LRFN2: variants seen among roughly 807,000 people sequenced by gnomAD.
LRFN2 encodes the protein leucine rich repeat and fibronectin type III domain containing 2, also known as leucine-rich repeat and fibronectin type-III domain-containing protein 2.
In LRFN2, 18 loss-of-function variants were observed where a neutral mutation model predicts 37.3. The ratio of observed to expected loss-of-function variants is 0.48; its 90% confidence interval spans 0.33 to 0.72. The LOEUF is 0.72. LRFN2 is among the 30% of genes least tolerant of loss of function. LRFN2 has a pLI of 0.02. For missense variants in LRFN2, 1,006 were observed against 1,060.7 expected, an observed-to-expected ratio of 0.95 and a Z score of 0.72; for synonymous variants, 556 against 466.6, an observed-to-expected ratio of 1.19 and a Z score of -2.47.
intron 1 of LRFN2, among the ~76,000 whole-genome samples, chr6:40,527,523 G>A (rs540559406): frequency 3.3e-5 from 5 of 152,300 alleles, no homozygotes; most frequent in East Asian, 3.9e-4. Flanking sequence ...GGACCTCAAA[G>A]TCTCCAGTCA....
At chr6:40,461,704 A>C (rs566365474) in intron 1 of LRFN2, among the ~76,000 whole-genome samples, 1 of 151,706 alleles carries the variant, frequency 6.6e-6, no homozygotes, top group African/African-American at 2.4e-5. Context: ...AGGAGAAAAA[A>C]TAAAGTAGGA....
At chr6:40,580,248 G>T (rs1767373699) in intron 1 of LRFN2, among the ~76,000 whole-genome samples, 2 of 152,186 alleles carry the variant, frequency 1.3e-5, no homozygotes, top group Admixed American at 1.3e-4. Context: ...CCCCAGGGTG[G>T]CATTTCTCAC....
intron 1 of LRFN2, among the ~76,000 whole-genome samples, chr6:40,564,627 G>A (rs1279974652): frequency 6.6e-6 from 1 of 152,088 alleles, no homozygotes; most frequent in Non-Finnish European, 1.5e-5. Flanking sequence ...CTACTCCACT[G>A]CTCTCTTAAT....
intron 2 of LRFN2, among the ~76,000 whole-genome samples, chr6:40,396,411 G>T (rs558326732): frequency 6.6e-6 from 1 of 152,228 alleles, no homozygotes; most frequent in South Asian, 2.1e-4. Context: ...GAGGAACCCT[G>T]CCTGGTCTCC....
intron 1 of LRFN2, among the ~76,000 whole-genome samples, chr6:40,464,372 T>G (rs116682888): frequency 2.6e-5 from 4 of 152,192 alleles, no homozygotes; most frequent in Non-Finnish European, 5.9e-5. Context: ...AGTTGGGACC[T>G]TTAAGGTGAT....
At chr6:40,470,831 G>T (rs910139789) in intron 1 of LRFN2, among the ~76,000 whole-genome samples, 1 of 152,174 alleles carries the variant, frequency 6.6e-6, no homozygotes, top group African/African-American at 2.4e-5. Context: ...ACCTCCAGGG[G>T]AACACCAGGG....
At chr6:40,557,982 G>A (rs1263045346) in intron 1 of LRFN2, among the ~76,000 whole-genome samples, 1 of 151,958 alleles carries the variant, frequency 6.6e-6, no homozygotes, top group Non-Finnish European at 1.5e-5. Flanking sequence ...CTAAGTTTTG[G>A]GCAAGGATTC....
chr6:40,565,670 C>T (rs1581797335), intron 1 of LRFN2, among the ~76,000 whole-genome samples: 4 of 151,700 alleles, frequency 2.6e-5, no homozygotes, highest in Admixed American at 2.0e-4. Context: ...GCTGGGAAAA[C>T]TGGCTAGCCA....
At chr6:40,564,533 T>A (rs1767054445) in intron 1 of LRFN2, among the ~76,000 whole-genome samples, 2 of 152,084 alleles carry the variant, frequency 1.3e-5, no homozygotes, top group African/African-American at 4.8e-5. Flanking sequence ...CCTGTTGATT[T>A]TACCACCTAA....
intron 1 of LRFN2, among the ~76,000 whole-genome samples, chr6:40,560,890 C>G (rs906479897): frequency 6.6e-6 from 1 of 152,170 alleles, no homozygotes; most frequent in Non-Finnish European, 1.5e-5. Context: ...AAAGTCCTAA[C>G]AGATTATCTA....
At chr6:40,463,215 T>A (rs1764383235) in intron 1 of LRFN2, among the ~76,000 whole-genome samples, 1 of 152,196 alleles carries the variant, frequency 6.6e-6, no homozygotes, top group Non-Finnish European at 1.5e-5. Flanking sequence ...CAGTTTGGAT[T>A]TTCTGTCACT....
intron 1 of LRFN2, among the ~76,000 whole-genome samples, chr6:40,572,440 A>T (rs780953785): frequency 1.3e-5 from 2 of 152,174 alleles, no homozygotes; most frequent in Non-Finnish European, 2.9e-5. Context: ...GAGTGGCTTA[A>T]AGACAACCAT....
At chr6:40,455,662 A>G (rs185098507) in intron 1 of LRFN2, among the ~76,000 whole-genome samples, 161 of 152,332 alleles carry the variant, frequency 1.1e-3, no homozygotes, top group African/African-American at 3.6e-3. Flanking sequence ...CAGTATCACT[A>G]TCATCTTTAT....
rs78402840 is a variant in LRFN2, at chr6:40,526,613, G to A, written c.-19+60328C>T. On this transcript the variant is annotated intron_variant, in intron 1 of 2. Transcript: ENST00000338305. ...CTCCCACTCTCTGTCCACTGTGAGG[G>A]CTAGGCCAGCTCTTCCCCAAGAGCT... Among the ~76,000 whole-genome samples the A allele has an allele frequency of 5.1e-3, 779 of 152,210 alleles. 8 individuals are homozygous for A. Among genetic ancestry groups the A allele is most frequent in the African/African-American group, 0.018 (737 of 41,522 alleles).
intron 1 of LRFN2, among the ~76,000 whole-genome samples, chr6:40,474,055 A>T (rs1764661072): frequency 1.3e-5 from 2 of 150,616 alleles, no homozygotes. Flanking sequence ...TTGTTTTTTT[A>T]GATGTGGGGC....
At chr6:40,534,214 G>A (rs205506) in intron 1 of LRFN2, among the ~76,000 whole-genome samples, 12,349 of 152,234 alleles carry the variant, frequency 0.081, 621 homozygotes, top group South Asian at 0.11. Flanking sequence ...TATGTGACCA[G>A]TCACTTCTGC....
chr6:40,499,198 A>G (rs796694076), intron 1 of LRFN2, among the ~76,000 whole-genome samples: 10 of 152,076 alleles, frequency 6.6e-5, no homozygotes, highest in African/African-American at 2.4e-4. Context: ...ATCCCTCCCT[A>G]TTGGGCCCAT....
chr6:40,452,047 C>A (rs1764122967), intron 1 of LRFN2, among the ~76,000 whole-genome samples: 1 of 152,062 alleles, frequency 6.6e-6, no homozygotes, highest in Admixed American at 6.5e-5. Flanking sequence ...GTAGATATCA[C>A]CATTATCTTC....
rs1271147644 is a variant in LRFN2 at position 40,391,792 on chromosome 6, C to T, written c.*151G>A. 8 of 711,332 alleles carry T rather than the reference C, an allele frequency of 1.1e-5. No individual in the cohort carries two copies. Among genetic ancestry groups the T allele is most frequent in the South Asian group, 6.2e-5 (2 of 32,188 alleles). The allele number at this position is 711,332 out of a possible 1,614,324, so 44.1% of individuals were successfully genotyped here. ...TGGTGGGGAGGTGATGTGGGTGTTG[C>T]GGGGTAGGGGGGGACACGAGGCCAT... On this transcript the variant is annotated 3_prime_UTR_variant, in exon 3 of 3. Transcript: ENST00000338305.
Sources: gnomAD v4.1 joint callset for allele counts (sites outside exome capture counted in the v4.1 genomes callset) on GRCh38, gnomAD v4.1.1 for gene constraint, MANE v1.5 for transcripts, NCBI Gene and HGNC (gene_info 2026-07-23, HGNC 2026-07-21) for gene names.